The following ZNF208 variants were observed in gnomAD, a reference collection of about 807,000 sequenced individuals.
ZNF208 encodes the protein zinc finger protein 208.
In ZNF208, 10 loss-of-function variants were observed where a neutral mutation model predicts 12.1. The ratio of observed to expected loss-of-function variants is 0.83; its 90% confidence interval spans 0.51 to 1.40. The LOEUF (loss-of-function observed/expected upper bound fraction) is 1.40, where lower values mean the gene tolerates loss of function less well. Among genes scored for constraint, ZNF208 ranks in the 40% most tolerant of loss-of-function variants. ZNF208 has a pLI of 0.00. For synonymous variants in ZNF208, 497 were observed against 488.4 expected, an observed-to-expected ratio of 1.02 and a Z score of -0.23; for missense variants, 1,652 against 1,485.0, an observed-to-expected ratio of 1.11 and a Z score of -1.85.
At chr19:21,943,818 T>C (rs1969778986) in intron 4 of ZNF208, among the ~76,000 whole-genome samples, 1 of 152,192 alleles carries the variant, frequency 6.6e-6, no homozygotes, top group Non-Finnish European at 1.5e-5. Context: ...TTTGGTGGAA[T>C]AGAGTCTCTG....
At chr19:21,965,349 ATTCT>A (rs1397087623), downstream of ZNF208, among the ~76,000 whole-genome samples, 1 of 152,074 alleles carries the variant, frequency 6.6e-6, no homozygotes, top group African/African-American at 2.4e-5. Flanking sequence ...GTCATGGTTC[ATTCT>A]TCTTTACTTG....
intron 4 of ZNF208, chr19:21,940,544 A>G (rs1384505374): frequency 1.3e-5 from 2 of 152,174 alleles, no homozygotes; most frequent in African/African-American, 4.8e-5. Flanking sequence ...TGAAAACTCG[A>G]TTGGGTCAGA....
At chr19:21,959,664 A>G (rs1970033273) in intron 4 of ZNF208, among the ~76,000 whole-genome samples, 1 of 152,204 alleles carries the variant, frequency 6.6e-6, no homozygotes, top group Non-Finnish European at 1.5e-5. Flanking sequence ...ATATTTGTCA[A>G]TTGTTTGAAG....
intron 4 of ZNF208, among the ~76,000 whole-genome samples, chr19:21,951,525 T>C (rs1342541333): frequency 6.6e-6 from 1 of 152,238 alleles, no homozygotes; most frequent in East Asian, 1.9e-4. Context: ...GAATACTCTG[T>C]GTAAAAATAT....
chr19:21,977,357 G>A (rs777582073), intron 3 of ZNF208, among the ~76,000 whole-genome samples: 4 of 152,218 alleles, frequency 2.6e-5, no homozygotes, highest in Non-Finnish European at 5.9e-5. Context: ...GGTGATTTCT[G>A]CGTTTCCAAC....
At chr19:22,008,008 A>T (rs1971077384) in intron 1 of ZNF208, among the ~76,000 whole-genome samples, 1 of 147,178 alleles carries the variant, frequency 6.8e-6, no homozygotes, top group African/African-American at 2.5e-5. Flanking sequence ...TGTCTTAAAA[A>T]AAAAAAAAAA....
At chr19:21,995,950 A>G (rs1970829268) in intron 1 of ZNF208, among the ~76,000 whole-genome samples, 1 of 152,182 alleles carries the variant, frequency 6.6e-6, no homozygotes, top group Non-Finnish European at 1.5e-5. Context: ...TTTTCTGTAA[A>G]TTCTCAATCC....
intron 4 of ZNF208, among the ~76,000 whole-genome samples, chr19:21,961,048 T>C (rs923656053): frequency 6.6e-6 from 1 of 152,206 alleles, no homozygotes; most frequent in African/African-American, 2.4e-5. Flanking sequence ...TTGAAATCTG[T>C]TCACCACTCC....
At chr19:21,997,519 C>G (rs773517609) in intron 1 of ZNF208, 1 of 152,214 alleles carries the variant, frequency 6.6e-6, no homozygotes, top group African/African-American at 2.4e-5. Context: ...CTTTCCCTCT[C>G]TTGGTGGCTA....
At position 21,974,539 on chromosome 19, in the gene ZNF208, T is replaced by C; in HGVS notation, c.495A>G (p.Ile165Met). 2 of 1,613,632 alleles carry C rather than the reference T, an allele frequency of 1.2e-6. No individual in the cohort carries two copies. The highest frequency in any genetic ancestry group is 1.7e-6 in the Non-Finnish European group (2 of 1,179,698). Residue 165 changes from isoleucine to methionine, a missense_variant, in exon 4 of 4, where the codon ATA (isoleucine) becomes ATG (methionine). Around this residue, in one of 3 missense-constraint regions of ZNF208, gnomAD observed 410 missense variants for 378.2 expected, o/e 1.08. Transcript: ENST00000397126. ...HKCSNSNRHK[I>M]RHTGKKHLQC... is the part of the protein sequence containing the mutation. ...GCAAATGTTTCTTTCCAGTATGCCT[T>C]ATCTTATGTCTGTTTGAATTTGAAC...
At chr19:22,002,180 C>T (rs1970966279) in intron 1 of ZNF208, among the ~76,000 whole-genome samples, 1 of 152,052 alleles carries the variant, frequency 6.6e-6, no homozygotes, top group African/African-American at 2.4e-5. Context: ...ACAAACTAGG[C>T]ATTGAAGATG....
chr19:21,989,077 T>C (rs1045810996), intron 1 of ZNF208, among the ~76,000 whole-genome samples, 168 bp from the exon 2 acceptor site: 11 of 146,258 alleles, frequency 7.5e-5, no homozygotes, highest in African/African-American at 2.8e-4. Context: ...ATATTCTCTC[T>C]CTTTTTTCTT....
At position 21,974,646 on chromosome 19, in the gene ZNF208, A is replaced by G. The variant is rs1212158264; in HGVS notation, c.388T>C (p.Tyr130His). Residue 130 changes from tyrosine (Y) to histidine (H), a missense_variant, in exon 4 of 4, where the codon TAT becomes CAT. By Grantham distance (83) the Tyr-to-His change is moderately conservative. Coordinates refer to ENST00000397126, the MANE Select transcript of ZNF208 (RefSeq NM_007153.3). The stretch of plus-strand genomic sequence containing the variant: ...GTCAAACTCTGGTTAAGTTTATTAT[A>G]ACCTTCTTTGTGCACCTTACACTCA... Reference protein sequence around the residue: ...VDECKVHKEGYNKLNQSLTTT... With the variant: ...VDECKVHKEGHNKLNQSLTTT... The G allele has an allele frequency of 3.7e-6, 6 of 1,613,626 alleles. No individual in the cohort carries two copies. The Admixed American group carries it at 8.3e-5, about 22-fold the overall frequency.
chr19:21,957,224 G>C (rs1969990873), intron 4 of ZNF208, among the ~76,000 whole-genome samples: 1 of 152,084 alleles, frequency 6.6e-6, no homozygotes, highest in Admixed American at 6.5e-5. Flanking sequence ...ATTTTTAGTA[G>C]AGATGGAGTT....
At chr19:21,948,483 T>C (rs1050863888) in intron 4 of ZNF208, among the ~76,000 whole-genome samples, 3 of 152,144 alleles carry the variant, frequency 2.0e-5, no homozygotes, top group East Asian at 3.9e-4. Context: ...CAGCCTCCCA[T>C]ATTTTGGGCC....
intron 4 of ZNF208, among the ~76,000 whole-genome samples, chr19:21,943,589 G>A (rs1226343241): frequency 6.6e-6 from 1 of 152,110 alleles, no homozygotes; most frequent in East Asian, 1.9e-4. Flanking sequence ...AACATATGTG[G>A]CAACCCATTC....
intron 1 of ZNF208, among the ~76,000 whole-genome samples, chr19:21,993,358 T>C (rs1236637830): frequency 6.6e-6 from 1 of 152,128 alleles, no homozygotes; most frequent in Non-Finnish European, 1.5e-5. Flanking sequence ...GAATTCCTCA[T>C]ACTTGATTCT....
chr19:21,947,601 A>C (rs146340888), intron 4 of ZNF208, among the ~76,000 whole-genome samples: 13 of 152,298 alleles, frequency 8.5e-5, no homozygotes, highest in African/African-American at 2.6e-4. Flanking sequence ...TAAACAGAAA[A>C]ACTCAACTTT....
chr19:21,946,582 T>G (rs1007620373), intron 4 of ZNF208, among the ~76,000 whole-genome samples: 3 of 152,186 alleles, frequency 2.0e-5, no homozygotes, highest in Admixed American at 2.0e-4. Flanking sequence ...GGGTATTATC[T>G]CAAACAACAG....
Sources: allele counts gnomAD v4.1 joint callset (sites outside exome capture counted in the v4.1 genomes callset), GRCh38; gene constraint gnomAD v4.1.1; regional missense constraint gnomAD v4.1.1; transcripts MANE v1.5; gene names NCBI Gene and HGNC (gene_info 2026-07-23, HGNC 2026-07-21).